AP3S1: variants seen among roughly 807,000 people sequenced by gnomAD.
The protein encoded by AP3S1 is AP-3 complex subunit sigma-1.
In AP3S1, 12 loss-of-function variants were observed where a neutral mutation model predicts 21.3. The observed-to-expected ratio is 0.56, with a 90% CI of 0.36 to 0.91. The LOEUF (loss-of-function observed/expected upper bound fraction) is 0.91, where lower values mean the gene tolerates loss of function less well. Among genes scored for constraint, AP3S1 ranks in the 40% least tolerant of loss-of-function variants. AP3S1 has a pLI of 0.01. For synonymous variants in AP3S1, 48 were observed against 78.4 expected (o/e 0.61, Z 2.05); for missense variants, 116 against 225.0 (o/e 0.52, Z 3.10).
chr5:115,902,832 ACTT>A, intron 4 of AP3S1, 50 bp from the exon 5 acceptor site: 2 of 1,306,110 alleles, frequency 1.5e-6, no homozygotes, highest in Non-Finnish European at 2.1e-6. Flanking sequence ...GAATCATGAA[ACTT>A]CTTTTTAGTG....
intron 4 of AP3S1, among the ~76,000 whole-genome samples, chr5:115,896,620 A>C (rs1001197852): frequency 1.3e-5 from 2 of 152,144 alleles, no homozygotes; most frequent in Admixed American, 1.3e-4. Context: ...CTCTACAAAA[A>C]ATACAAAAAT....
chr5:115,864,098 GT>G (rs1324647630), intron 1 of AP3S1, among the ~76,000 whole-genome samples: 1 of 152,242 alleles, frequency 6.6e-6, no homozygotes, highest in Non-Finnish European at 1.5e-5. Context: ...TAACTCTACT[GT>G]TTTGTGCAAA....
intron 3 of AP3S1, among the ~76,000 whole-genome samples, chr5:115,891,152 T>C (rs554151865): frequency 1.3e-5 from 2 of 152,294 alleles, no homozygotes; most frequent in East Asian, 3.9e-4. Context: ...TTTGGGTGGA[T>C]ACTAAATGAT....
chr5:115,857,646 C>G (rs1323965454), intron 1 of AP3S1, among the ~76,000 whole-genome samples: 1 of 152,150 alleles, frequency 6.6e-6, no homozygotes, highest in Non-Finnish European at 1.5e-5. Flanking sequence ...CTATTTTTAG[C>G]TGCTGATTTC....
At chr5:115,895,673 GTTA>G (rs1750702207) in intron 4 of AP3S1, among the ~76,000 whole-genome samples, 1 of 152,058 alleles carries the variant, frequency 6.6e-6, no homozygotes, top group African/African-American at 2.4e-5. Context: ...TTTTACTGAC[GTTA>G]TTATTGCTTT....
At chr5:115,902,145 A>G (rs538695853) in intron 4 of AP3S1, among the ~76,000 whole-genome samples, 54 of 152,324 alleles carry the variant, frequency 3.5e-4, no homozygotes, top group Non-Finnish European at 6.0e-4. Context: ...TGGAGTCTCC[A>G]TTTCTAACCT....
chr5:115,899,171 A>G (rs1370934707), intron 4 of AP3S1, among the ~76,000 whole-genome samples: 1 of 152,218 alleles, frequency 6.6e-6, no homozygotes. Context: ...TAAAGACTTA[A>G]GAGCAGAGTG....
chr5:115,841,953 G>T lies in AP3S1; in HGVS notation c.-85G>T, dbSNP rs1404598889. The T allele has an allele frequency of 9.8e-6, 15 of 1,528,172 alleles. No homozygotes were observed. The highest frequency in any genetic ancestry group is 2.8e-5 in the African/African-American group (2 of 72,020). 94.7% of individuals were successfully genotyped at this position (1,528,172 alleles called of 1,614,324 possible). On this transcript the variant is annotated 5_prime_UTR_variant, in exon 1 of 6. Coordinates refer to ENST00000316788, the MANE Select transcript of AP3S1 (RefSeq NM_001284.4). ...GTGCGGGAGGGGGCGGGTGGGGAAGGATCGCAGGCGAGATTACGAGGCGAG... is the reference window on the plus strand; with the variant it reads ...GTGCGGGAGGGGGCGGGTGGGGAAGTATCGCAGGCGAGATTACGAGGCGAG...
At chr5:115,865,050 C>T (rs2112822909) in intron 1 of AP3S1, among the ~76,000 whole-genome samples, 1 of 152,004 alleles carries the variant, frequency 6.6e-6, no homozygotes, top group East Asian at 1.9e-4. Flanking sequence ...ACAGAAATTA[C>T]TGTGTATTTC....
chr5:115,849,468 G>A (rs1000870800), intron 1 of AP3S1, among the ~76,000 whole-genome samples: 3 of 152,194 alleles, frequency 2.0e-5, no homozygotes, highest in Non-Finnish European at 4.4e-5. Flanking sequence ...AAGGCAAGCT[G>A]AGAAATCACG....
At chr5:115,897,046 A>G (rs917930248) in intron 4 of AP3S1, among the ~76,000 whole-genome samples, 1 of 152,198 alleles carries the variant, frequency 6.6e-6, no homozygotes, top group Admixed American at 6.5e-5. Context: ...TAAAACTTCT[A>G]TTTCTCATTA....
chr5:115,888,837 C>T (rs1335334310), intron 3 of AP3S1, among the ~76,000 whole-genome samples: 3 of 151,984 alleles, frequency 2.0e-5, no homozygotes, highest in Non-Finnish European at 4.4e-5. Flanking sequence ...TTCTGGCTGC[C>T]ATTTATTAAA....
chr5:115,895,007 A>G, intron 3 of AP3S1, 80 bp from the exon 4 acceptor site: 1 of 891,782 alleles, frequency 1.1e-6, no homozygotes, highest in Non-Finnish European at 1.7e-6. Context: ...TTTAGTTCAT[A>G]ATTAAGAATT....
chr5:115,873,739 T>G (rs1314111777), intron 3 of AP3S1, among the ~76,000 whole-genome samples: 1 of 152,140 alleles, frequency 6.6e-6, no homozygotes, highest in Non-Finnish European at 1.5e-5. Context: ...TTTTCTTAAT[T>G]TGTTCATCCT....
chr5:115,862,797 A>G (rs1763298985), intron 1 of AP3S1, among the ~76,000 whole-genome samples: 1 of 152,220 alleles, frequency 6.6e-6, no homozygotes, highest in African/African-American at 2.4e-5. Flanking sequence ...GAATAACACT[A>G]TGGGAGTCAT....
Position 115,895,158 on chromosome 5 carries a change from G to A in AP3S1, c.345G>A (p.Lys115=). 1.3e-6 allele frequency: 2 copies of A among 1,594,774 alleles called. No homozygotes were observed. The highest frequency in any genetic ancestry group is 1.7e-6 in the Non-Finnish European group (2 of 1,169,618). Residue 115 remains lysine, a splice_region_variant and synonymous_variant, in exon 4 of 6, where the codon AAG becomes AAA. Transcript: ENST00000316788. The part of the protein sequence containing the change: ...CELDLIFHVD[K]VHNILAEMVM... ...TGGATTTGATTTTCCATGTAGACAA[G>A]GTACTATTTGTATTGTCACATCTAA...
chr5:115,912,537 A>G (rs1438563989), intron 5 of AP3S1, among the ~76,000 whole-genome samples: 3 of 152,078 alleles, frequency 2.0e-5, no homozygotes, highest in African/African-American at 7.2e-5. Context: ...GCCAAATATT[A>G]TGCACTAGTG....
chr5:115,856,222 T>C (rs1037052534), intron 1 of AP3S1, among the ~76,000 whole-genome samples: 1 of 152,122 alleles, frequency 6.6e-6, no homozygotes, highest in Admixed American at 6.6e-5. Flanking sequence ...ATAAGGAAAA[T>C]AGTTTTATGT....
At chr5:115,884,900 A>G (rs1580701223) in intron 3 of AP3S1, among the ~76,000 whole-genome samples, 2 of 152,252 alleles carry the variant, frequency 1.3e-5, no homozygotes, top group African/African-American at 4.8e-5. Flanking sequence ...CTTTACTAAC[A>G]CACTGATAGG....
Sources: gnomAD v4.1 joint callset for allele counts (sites outside exome capture counted in the v4.1 genomes callset) on GRCh38, gnomAD v4.1.1 for gene constraint, MANE v1.5 for transcripts, NCBI Gene and HGNC (gene_info 2026-07-23, HGNC 2026-07-21) for gene names.